Variants in BICDL1 observed in about 807,000 individuals in gnomAD.
BICDL1 encodes BICD family-like cargo adapter 1.
In BICDL1, 20 loss-of-function variants were observed where a neutral mutation model predicts 76.8. That is an observed-to-expected ratio of 0.26 (90% confidence interval 0.18 to 0.38). The LOEUF (loss-of-function observed/expected upper bound fraction) is 0.38, where lower values mean the gene tolerates loss of function less well. Ranked by LOEUF, BICDL1 falls within the 10% of genes least tolerant of loss-of-function variation. The probability of loss-of-function intolerance (pLI) is 1.00; values close to 1 mark genes in which losing one functional copy is unlikely to be tolerated. For synonymous variants in BICDL1, 383 were observed against 337.1 expected, an observed-to-expected ratio of 1.14 and a Z score of -1.49; for missense variants, 700 against 798.6, an observed-to-expected ratio of 0.88 and a Z score of 1.49.
intron 8 of BICDL1, among the ~76,000 whole-genome samples, chr12:120,088,728 G>A (rs1043511963): frequency 2.6e-4 from 38 of 148,152 alleles, no homozygotes; most frequent in Non-Finnish European, 5.1e-4. Context: ...GTGCAGTGGC[G>A]CGATCTGGGC....
rs943397286 is a variant in BICDL1 at position 120,050,469 on chromosome 12, G to A, written c.646-11241G>A. On this transcript the variant is annotated intron_variant, in intron 2 of 9. Coordinates refer to ENST00000548673, the MANE Select transcript of BICDL1 (RefSeq NM_001367886.1). ...TTTTTAGTAGAGACAGGGTTTCACC[G>A]TGTTAGCCAGGATGGTCTCGATCTC... 8.6e-5 allele frequency among the ~76,000 whole-genome samples: 13 copies of A among 151,530 alleles called. No individual in the cohort carries two copies. In the East Asian group the frequency reaches 1.4e-3, roughly 16 times the overall value.
chr12:120,030,810 T>A (rs1392969420), intron 2 of BICDL1, among the ~76,000 whole-genome samples: 2 of 152,240 alleles, frequency 1.3e-5, no homozygotes, highest in African/African-American at 4.8e-5. Flanking sequence ...ACCCCTGGGC[T>A]ATTTTTTGTC....
At chr12:120,034,278 G>A (rs1223021253) in intron 2 of BICDL1, among the ~76,000 whole-genome samples, 1 of 152,180 alleles carries the variant, frequency 6.6e-6, no homozygotes, top group Non-Finnish European at 1.5e-5. Context: ...TACAGATTTA[G>A]GAACATGCAA....
chr12:120,090,727 C>T (rs547822133), intron 9 of BICDL1: 4 of 395,226 alleles, frequency 1.0e-5, no homozygotes, highest in South Asian at 2.0e-5. Context: ...TGTGGCTTTA[C>T]AAGGTAAGCC....
chr12:120,036,801 G>A (rs1218850199), intron 2 of BICDL1, among the ~76,000 whole-genome samples: 2 of 152,192 alleles, frequency 1.3e-5, no homozygotes, highest in Non-Finnish European at 2.9e-5. Context: ...ACTTGAACCC[G>A]GAAGGCGGAG....
chr12:120,008,099 C>T (rs1566211115), intron 2 of BICDL1, among the ~76,000 whole-genome samples: 1 of 151,570 alleles, frequency 6.6e-6, no homozygotes, highest in Non-Finnish European at 1.5e-5. Flanking sequence ...CATATGTGAC[C>T]TCTTCTGATC....
At chr12:120,054,358 A>T (rs946273385) in intron 2 of BICDL1, among the ~76,000 whole-genome samples, 1 of 152,088 alleles carries the variant, frequency 6.6e-6, no homozygotes, top group Non-Finnish European at 1.5e-5. Flanking sequence ...GATTACAGGC[A>T]TGAGCCACCT....
At chr12:120,001,067 T>C (rs1351031342) in intron 2 of BICDL1, among the ~76,000 whole-genome samples, 2 of 152,114 alleles carry the variant, frequency 1.3e-5, no homozygotes, top group African/African-American at 4.8e-5. Flanking sequence ...TATAGGCCCT[T>C]GGTGAGTTTT....
At chr12:120,007,452 C>T (rs1951871040) in intron 2 of BICDL1, among the ~76,000 whole-genome samples, 1 of 152,080 alleles carries the variant, frequency 6.6e-6, no homozygotes, top group African/African-American at 2.4e-5. Context: ...AGAGTGTCCC[C>T]CACCCCCCAC....
chr12:120,078,105 A>G (rs760804086), intron 7 of BICDL1, among the ~76,000 whole-genome samples: 4 of 152,104 alleles, frequency 2.6e-5, no homozygotes, highest in African/African-American at 4.8e-5. Flanking sequence ...TCACCTGCTC[A>G]TATCTCCATG....
chr12:120,019,753 A>G (rs1952141712), intron 2 of BICDL1, among the ~76,000 whole-genome samples: 1 of 152,160 alleles, frequency 6.6e-6, no homozygotes, highest in Non-Finnish European at 1.5e-5. Context: ...ACTGGCAGAC[A>G]CATTATTTTG....
chr12:120,063,438 TG>T (rs1384099166), intron 3 of BICDL1, among the ~76,000 whole-genome samples: 4 of 152,158 alleles, frequency 2.6e-5, no homozygotes, highest in African/African-American at 9.7e-5. Context: ...CTGATTGAAT[TG>T]GTGGCCAGAG....
Position 120,071,009 on chromosome 12 carries a change from C to T in BICDL1, c.910-613C>T, listed in dbSNP as rs1000850189. Among the ~76,000 whole-genome samples the T allele has an allele frequency of 6.6e-6, 1 of 151,970 alleles. No homozygotes were observed. The highest frequency in any genetic ancestry group is 1.5e-5 in the Non-Finnish European group (1 of 67,972). On this transcript the variant is annotated intron_variant, in intron 4 of 9. Transcript: ENST00000548673. This position sits in a 1 kb window ranked among gnomAD's most constrained non-coding sequence, Gnocchi z 4.8. ...CCTTCCAAAATGCTGGTGTTACAGG[C>T]GTGAGCCACCACGCCCGGCCTGGTT...
intron 9 of BICDL1, chr12:120,092,408 G>A (rs78660327): frequency 0.035 from 34,633 of 985,472 alleles, 676 homozygotes; most frequent in Non-Finnish European, 0.039. Flanking sequence ...GGCCTCTGCC[G>A]CAGATGGGAG....
intron 4 of BICDL1, among the ~76,000 whole-genome samples, chr12:120,068,897 G>GCA (rs1294089781): frequency 1.3e-5 from 2 of 152,176 alleles, no homozygotes; most frequent in Non-Finnish European, 2.9e-5. Context: ...ATTGTGAACT[G>GCA]CACACAGAAG....
chr12:120,043,986 C>A (rs1952696743), intron 2 of BICDL1, among the ~76,000 whole-genome samples: 1 of 152,072 alleles, frequency 6.6e-6, no homozygotes, highest in Non-Finnish European at 1.5e-5. Flanking sequence ...GTCATTTTAA[C>A]CGGGGATCTT....
At chr12:120,064,522 A>G in intron 3 of BICDL1, 1 of 337,218 alleles carries the variant, frequency 3.0e-6, no homozygotes, top group South Asian at 7.5e-5. Context: ...CCAGAGCTCA[A>G]CTCCTACTCC....
intron 2 of BICDL1, among the ~76,000 whole-genome samples, 160 bp downstream of exon 2, chr12:119,998,896 G>GT (rs1951704519): frequency 1.3e-5 from 2 of 151,848 alleles, no homozygotes; most frequent in East Asian, 1.9e-4. Context: ...CTCTACAAAA[G>GT]TTTTTTAAAA....
At chr12:120,050,622 C>A (rs1450148288) in intron 2 of BICDL1, among the ~76,000 whole-genome samples, 1 of 151,818 alleles carries the variant, frequency 6.6e-6, no homozygotes, top group Non-Finnish European at 1.5e-5. Context: ...AATTTTGATA[C>A]TACCCATTGG....
Sources: gnomAD v4.1 joint callset for allele counts (sites outside exome capture counted in the v4.1 genomes callset) on GRCh38, gnomAD v4.1.1 for gene constraint, Gnocchi (gnomAD v3.1) non-coding constraint, MANE v1.5 for transcripts, NCBI Gene and HGNC (gene_info 2026-07-23, HGNC 2026-07-21) for gene names.